WDPCP: variants seen among roughly 807,000 people sequenced by gnomAD.
WDPCP encodes the protein WD repeat-containing and planar cell polarity effector protein fritz homolog.
A neutral mutation model predicts 93.1 loss-of-function variants in WDPCP; 71 were observed. That is an observed-to-expected ratio of 0.76 (90% CI 0.63 to 0.93). WDPCP has a LOEUF of 0.93. WDPCP is among the 40% of genes least tolerant of loss of function. The pLI, the probability that WDPCP is intolerant of heterozygous loss-of-function variation, is 0.00. For missense variants in WDPCP, 844 were observed against 887.4 expected, an observed-to-expected ratio of 0.95 and a Z score of 0.62; for synonymous variants, 315 against 315.0, an observed-to-expected ratio of 1.00 and a Z score of 0.00.
At chr2:63,314,740 T>C (rs936644762) in intron 12 of WDPCP, among the ~76,000 whole-genome samples, 3 of 152,154 alleles carry the variant, frequency 2.0e-5, no homozygotes, top group African/African-American at 7.2e-5. Flanking sequence ...ACCCAGGGCA[T>C]TGCTTATCAA....
At chr2:63,614,140 A>G (rs1308401811) in intron 3 of WDPCP, among the ~76,000 whole-genome samples, 1 of 152,170 alleles carries the variant, frequency 6.6e-6, no homozygotes, top group African/African-American at 2.4e-5. Context: ...CTTTGGGCTC[A>G]TTCAATTATC....
chr2:63,727,653 G>A (rs974462424), intron 2 of WDPCP, among the ~76,000 whole-genome samples: 2 of 152,170 alleles, frequency 1.3e-5, no homozygotes, highest in Non-Finnish European at 2.9e-5. Flanking sequence ...ATGTCTGGTA[G>A]AATTCAGCTG....
chr2:63,678,110 G>A (rs1710445594), intron 2 of WDPCP, among the ~76,000 whole-genome samples: 1 of 152,096 alleles, frequency 6.6e-6, no homozygotes, highest in South Asian at 2.1e-4. Context: ...AGAAATTAAT[G>A]CAAATGCCAA....
intron 2 of WDPCP, among the ~76,000 whole-genome samples, chr2:63,808,412 C>T (rs1670803127): frequency 1.3e-5 from 2 of 150,946 alleles, no homozygotes; most frequent in Non-Finnish European, 2.9e-5. Context: ...GACTGTACTG[C>T]TGCCATCTCG....
intron 1 of WDPCP, among the ~76,000 whole-genome samples, chr2:63,572,701 CAAAAAAAAAAAAAAAAAA>C (rs533331577): frequency 4.0e-5 from 1 of 24,780 alleles, no homozygotes; most frequent in Non-Finnish European, 6.1e-5. Context: ...GACTCTGTCT[CAAAAAAAAAAAAAAAAAA>C]AAAAAAAGTT....
intron 2 of WDPCP, among the ~76,000 whole-genome samples, chr2:63,777,350 T>G (rs1411562868): frequency 6.6e-6 from 1 of 152,224 alleles, no homozygotes; most frequent in East Asian, 1.9e-4. Context: ...TGGAACTCTC[T>G]GCAGCTGATA....
intron 11 of WDPCP, among the ~76,000 whole-genome samples, chr2:63,380,850 A>G (rs573483709): frequency 3.5e-4 from 54 of 152,306 alleles, no homozygotes; most frequent in African/African-American, 1.2e-3. Context: ...CCCACGATAC[A>G]GACTTCCTGG....
intron 3 of WDPCP, chr2:63,597,614 C>T (rs761461902): frequency 7.5e-6 from 10 of 1,332,198 alleles, no homozygotes; most frequent in Non-Finnish European, 9.7e-6. Context: ...TCATTATTAG[C>T]ATTTGAAACT....
chr2:63,793,663 A>G (rs1558912119), intron 2 of WDPCP, among the ~76,000 whole-genome samples: 1 of 152,188 alleles, frequency 6.6e-6, no homozygotes, highest in Non-Finnish European at 1.5e-5. Flanking sequence ...TGTGCTCCCA[A>G]ATCTATGATC....
At chr2:63,219,548 T>C (rs1677641188) in intron 14 of WDPCP, among the ~76,000 whole-genome samples, 1 of 152,254 alleles carries the variant, frequency 6.6e-6, no homozygotes, top group Non-Finnish European at 1.5e-5. Flanking sequence ...AAGTGATTGA[T>C]GTAAGAATGA....
intron 6 of WDPCP, among the ~76,000 whole-genome samples, chr2:63,476,758 T>C (rs565473773): frequency 1.1e-4 from 17 of 152,306 alleles, no homozygotes; most frequent in African/African-American, 4.1e-4. Context: ...TGTCTATTAT[T>C]ATTTTATGAG....
intron 17 of WDPCP, among the ~76,000 whole-genome samples, chr2:63,138,545 G>A (rs1025177004): frequency 7.3e-5 from 11 of 150,198 alleles, no homozygotes; most frequent in Middle Eastern, 3.5e-3. Flanking sequence ...TCCGCTCCCC[G>A]GGGTTCATGC....
intron 2 of WDPCP, among the ~76,000 whole-genome samples, chr2:63,707,018 C>T (rs1448541766): frequency 6.6e-6 from 1 of 152,148 alleles, no homozygotes; most frequent in Non-Finnish European, 1.5e-5. Flanking sequence ...ATGGGCTTCC[C>T]TTTGTGGGTA....
intron 6 of WDPCP, among the ~76,000 whole-genome samples, chr2:63,456,944 GGAGGTTGCAGTGAGCC>G (rs772257737): frequency 1.8e-4 from 28 of 151,924 alleles, no homozygotes; most frequent in Admixed American, 2.6e-4. Flanking sequence ...CCTGGGAGGT[GGAGGTTGCAGTGAGCC>G]GAGGTTGCAG....
intron 14 of WDPCP, among the ~76,000 whole-genome samples, chr2:63,240,062 T>G (rs1679743682): frequency 1.3e-5 from 2 of 152,158 alleles, no homozygotes; most frequent in Non-Finnish European, 2.9e-5. Context: ...CAGACTCTTC[T>G]GTATCTTTAT....
chr2:63,331,657 A>G (rs888823721), intron 12 of WDPCP, among the ~76,000 whole-genome samples: 26 of 152,274 alleles, frequency 1.7e-4, no homozygotes, highest in African/African-American at 5.1e-4. Context: ...TCCATGTGCT[A>G]TTTTGCAGCA....
intron 13 of WDPCP, among the ~76,000 whole-genome samples, chr2:63,282,715 T>C (rs12713476): frequency 6.6e-6 from 1 of 152,024 alleles, no homozygotes; most frequent in East Asian, 1.9e-4. Context: ...CAGTTCTCAA[T>C]AATCAGAAGC....
At chr2:63,557,956 A>C (rs1209165959) in intron 1 of WDPCP, among the ~76,000 whole-genome samples, 1 of 152,192 alleles carries the variant, frequency 6.6e-6, no homozygotes, top group African/African-American at 2.4e-5. Context: ...AAAGAGAACA[A>C]AGAGAAAACA....
chr2:63,589,609 G>A (rs1467522178), upstream of WDPCP, among the ~76,000 whole-genome samples: 1 of 152,104 alleles, frequency 6.6e-6, no homozygotes, highest in Non-Finnish European at 1.5e-5. Context: ...TTTTTGTAAT[G>A]CCAGGATATA....
Sources: gnomAD v4.1 joint callset for allele counts (sites outside exome capture counted in the v4.1 genomes callset) on GRCh38, gnomAD v4.1.1 for gene constraint, MANE v1.5 for transcripts, NCBI Gene and HGNC (gene_info 2026-07-23, HGNC 2026-07-21) for gene names.